PTPA: variants seen among roughly 807,000 people sequenced by gnomAD.
PTPA encodes the protein protein phosphatase 2 phosphatase activator.
A neutral mutation model predicts 43.6 loss-of-function variants in PTPA; 13 were observed. That is an observed-to-expected ratio of 0.30 (90% CI 0.19 to 0.47). The LOEUF is 0.47. PTPA is among the 20% of genes least tolerant of loss of function. The pLI, the probability that PTPA is intolerant of heterozygous loss-of-function variation, is 0.99. For synonymous variants in PTPA, 172 were observed against 158.2 expected (o/e 1.09, Z -0.66); for missense variants, 329 against 411.9 (o/e 0.80, Z 1.74).
At chr9:129,132,128 A>C (rs1850018811) in intron 5 of PTPA, among the ~76,000 whole-genome samples, 1 of 151,942 alleles carries the variant, frequency 6.6e-6, no homozygotes, top group Admixed American at 6.6e-5. Flanking sequence ...CATGTAAGCC[A>C]AGGGACCTGG....
At chr9:129,136,416 G>C in intron 6 of PTPA, 55 bp from the exon 7 acceptor site, 1 of 1,561,582 alleles carries the variant, frequency 6.4e-7, no homozygotes. Flanking sequence ...GGCCGAAAGG[G>C]TGAGACTGTC....
intron 5 of PTPA, among the ~76,000 whole-genome samples, chr9:129,132,256 GA>G (rs1188299321): frequency 1.3e-5 from 2 of 152,012 alleles, no homozygotes; most frequent in Admixed American, 1.3e-4. Flanking sequence ...CTGAGCTCAG[GA>G]GTTTAAGACC....
At chr9:129,115,098 C>A (rs1035158663) in intron 1 of PTPA, among the ~76,000 whole-genome samples, 7 of 152,062 alleles carry the variant, frequency 4.6e-5, no homozygotes, top group African/African-American at 1.2e-4. Flanking sequence ...GGAGAGCTGT[C>A]CCTTTGCAGA....
At chr9:129,119,937 AG>A (rs1379380206) in intron 1 of PTPA, among the ~76,000 whole-genome samples, 2 of 151,976 alleles carry the variant, frequency 1.3e-5, no homozygotes, top group Non-Finnish European at 2.9e-5. Flanking sequence ...GTTTATTCTA[AG>A]GCTCAGGTGT....
At chr9:129,111,277 C>G, upstream of PTPA, 1 of 1,203,444 alleles carries the variant, frequency 8.3e-7, no homozygotes, top group Non-Finnish European at 1.0e-6. Context: ...GACGTTCGGG[C>G]GGCCGTGAGC....
intron 2 of PTPA, among the ~76,000 whole-genome samples, chr9:129,122,653 T>C (rs1849319310): frequency 6.6e-6 from 1 of 152,232 alleles, no homozygotes; most frequent in South Asian, 2.1e-4. Context: ...GTTAGGCTAC[T>C]GGGTCCTAGC....
intron 3 of PTPA, among the ~76,000 whole-genome samples, chr9:129,127,076 C>T (rs1849627833): frequency 6.6e-6 from 1 of 152,162 alleles, no homozygotes; most frequent in Non-Finnish European, 1.5e-5. Flanking sequence ...TTCACAAAGC[C>T]AGGCTCTGGC....
At chr9:129,127,136 C>A (rs1849631433) in intron 3 of PTPA, among the ~76,000 whole-genome samples, 1 of 152,192 alleles carries the variant, frequency 6.6e-6, no homozygotes, top group African/African-American at 2.4e-5. Context: ...TAGCCCTCTG[C>A]CTTAGCCAGG....
chr9:129,125,232 G>C (rs1364776092), intron 3 of PTPA, among the ~76,000 whole-genome samples: 2 of 151,946 alleles, frequency 1.3e-5, no homozygotes, highest in African/African-American at 4.8e-5. Context: ...CCGTGGCTTT[G>C]ATGGTAGCCA....
chr9:129,133,111 C>T (rs1176459582), intron 5 of PTPA, among the ~76,000 whole-genome samples: 2 of 151,922 alleles, frequency 1.3e-5, no homozygotes. Flanking sequence ...AGAAGGGAGG[C>T]GTTCTCTAGG....
At position 129,121,627 on chromosome 9, in the gene PTPA, T is replaced by C. The variant is rs116893152; in HGVS notation, c.129+1017T>C. Among the ~76,000 whole-genome samples, 14 of 152,352 alleles carry C rather than the reference T, an allele frequency of 9.2e-5. No individual in the cohort carries two copies. The East Asian group carries it at 2.7e-3, about 29-fold the overall frequency. ...CATTGTAGGAGGCCGTCCTGTGCCA[T>C]GTAGGACGTTTACTAATATCTCTGG... is the stretch of plus-strand genomic sequence containing the variant. On this transcript the variant is annotated intron_variant, in intron 2 of 9. Transcript: ENST00000393370.
At position 129,124,530 on chromosome 9, in the gene PTPA, T is replaced by C. The variant is rs17459207; in HGVS notation, c.216+1392T>C. On this transcript the variant is annotated intron_variant, in intron 3 of 9. Coordinates refer to ENST00000393370, the MANE Select transcript of PTPA (RefSeq NM_178000.3). ...TTTTTGCGTTTGGGTTCACACTGCC[T>C]GGTGGGTGCTTTTTGGACGTTGTTT... Among the ~76,000 whole-genome samples, 101 of 152,284 alleles carry C rather than the reference T, an allele frequency of 6.6e-4. 1 individual carries two copies. In the East Asian group the frequency reaches 0.018, roughly 28 times the overall value.
chr9:129,131,881 T>C (rs1349334043), intron 5 of PTPA, among the ~76,000 whole-genome samples: 3 of 152,208 alleles, frequency 2.0e-5, no homozygotes, highest in Admixed American at 6.5e-5. Context: ...GCCCCGTGCA[T>C]GGTGCTTGCG....
At chr9:129,118,146 T>A (rs1849015477) in intron 1 of PTPA, among the ~76,000 whole-genome samples, 1 of 150,718 alleles carries the variant, frequency 6.6e-6, no homozygotes, top group Admixed American at 6.6e-5. Context: ...CTCTGCCTCC[T>A]GGGTTCAGGC....
intron 6 of PTPA, 78 bp from the exon 7 acceptor site, chr9:129,136,393 T>C: frequency 6.8e-7 from 1 of 1,476,852 alleles, no homozygotes; most frequent in Non-Finnish European, 9.1e-7. Context: ...TGGGGTCTCC[T>C]TGTGCTCCCA....
intron 1 of PTPA, among the ~76,000 whole-genome samples, chr9:129,118,047 GTTTC>G (rs1168527097): frequency 3.1e-5 from 4 of 127,372 alleles, no homozygotes; most frequent in African/African-American, 1.1e-4. Flanking sequence ...TATTTGAGTT[GTTTC>G]TTTTTTTTTT....
At chr9:129,143,776 C>T (rs538816792) in intron 9 of PTPA, 5 of 218,220 alleles carry the variant, frequency 2.3e-5, no homozygotes, top group East Asian at 1.0e-4. Flanking sequence ...AGGTTCCTTC[C>T]GGCTGCAGCT....
intron 1 of PTPA, 92 bp downstream of exon 1, chr9:129,111,723 G>A: frequency 1.6e-6 from 2 of 1,240,956 alleles, no homozygotes; most frequent in East Asian, 3.2e-5. Context: ...GTCATGACAC[G>A]GAGGAACTGG....
upstream of PTPA, chr9:129,111,348 C>T (rs1306703793): frequency 1.7e-6 from 2 of 1,189,592 alleles, no homozygotes; most frequent in African/African-American, 1.6e-5. Context: ...ACTGACATGG[C>T]CGTCGCCCGG....
Sources: allele counts gnomAD v4.1 joint callset (sites outside exome capture counted in the v4.1 genomes callset), GRCh38; gene constraint gnomAD v4.1.1; transcripts MANE v1.5; gene names NCBI Gene and HGNC (gene_info 2026-07-23, HGNC 2026-07-21).